DAB1: variants seen among roughly 807,000 people sequenced by gnomAD.
DAB1 encodes disabled homolog 1.
A neutral mutation model predicts 64.6 loss-of-function variants in DAB1; 15 were observed. The ratio of observed to expected loss-of-function variants is 0.23; its 90% confidence interval spans 0.16 to 0.36. The LOEUF is 0.36. DAB1 is among the 10% of genes least tolerant of loss of function. DAB1 has a pLI of 1.00. For missense variants in DAB1, 596 were observed against 706.7 expected (o/e 0.84, Z 1.78); for synonymous variants, 235 against 251.9 (o/e 0.93, Z 0.64).
At chr1:58,016,530 A>G (rs756005164) in intron 5 of DAB1, among the ~76,000 whole-genome samples, 1 of 152,132 alleles carries the variant, frequency 6.6e-6, no homozygotes, top group Non-Finnish European at 1.5e-5. Flanking sequence ...TTGATGTCCC[A>G]CAGGTACTTC....
At chr1:58,029,597 T>G (rs922449943) in intron 5 of DAB1, among the ~76,000 whole-genome samples, 1 of 152,224 alleles carries the variant, frequency 6.6e-6, no homozygotes, top group African/African-American at 2.4e-5. Flanking sequence ...ATTAACCATC[T>G]CTGATAAAAA....
At chr1:58,421,999 A>C (rs1316719313) in intron 3 of DAB1, among the ~76,000 whole-genome samples, 2 of 97,700 alleles carry the variant, frequency 2.0e-5, no homozygotes, top group East Asian at 4.8e-4. Context: ...AGTAGACGTC[A>C]AAAAAAAAAA....
intron 1 of DAB1, among the ~76,000 whole-genome samples, chr1:57,338,624 A>C (rs1462055010): frequency 6.6e-6 from 1 of 152,216 alleles, no homozygotes; most frequent in Non-Finnish European, 1.5e-5. Context: ...TGCAAAACCC[A>C]TATGTAGTAT....
chr1:57,773,268 T>A (rs1342434118), intron 6 of DAB1, among the ~76,000 whole-genome samples: 1 of 152,024 alleles, frequency 6.6e-6, no homozygotes, highest in Non-Finnish European at 1.5e-5. Context: ...TGTATATATA[T>A]ATGTGTTTGA....
At chr1:57,586,521 C>T (rs1234720788) in intron 7 of DAB1, among the ~76,000 whole-genome samples, 2 of 151,250 alleles carry the variant, frequency 1.3e-5, no homozygotes, top group Non-Finnish European at 2.9e-5. Flanking sequence ...ACAACACTCA[C>T]TTCATGGCGA....
intron 3 of DAB1, among the ~76,000 whole-genome samples, chr1:58,396,104 C>G (rs537193866): frequency 6.6e-6 from 1 of 151,132 alleles, no homozygotes; most frequent in African/African-American, 2.4e-5. Context: ...TGAAGTATTA[C>G]CAGGCGAGAA....
chr1:57,774,648 T>C (rs889196603), intron 6 of DAB1, among the ~76,000 whole-genome samples: 5 of 151,878 alleles, frequency 3.3e-5, no homozygotes, highest in Non-Finnish European at 7.4e-5. Flanking sequence ...GTTTCTTTTG[T>C]ATCTATAGCG....
chr1:58,476,128 T>C (rs1323378562), intron 3 of DAB1, among the ~76,000 whole-genome samples: 2 of 152,186 alleles, frequency 1.3e-5, no homozygotes, highest in African/African-American at 4.8e-5. Flanking sequence ...ATGAAGATGG[T>C]ATTAGGAACC....
chr1:57,259,278 G>A (rs1030558323), intron 2 of DAB1, among the ~76,000 whole-genome samples: 39 of 152,260 alleles, frequency 2.6e-4, no homozygotes, highest in African/African-American at 9.1e-4. Context: ...GTCCTCAGAA[G>A]ACTCACAGTT....
intron 6 of DAB1, among the ~76,000 whole-genome samples, chr1:57,664,520 C>G (rs1370560159): frequency 6.6e-6 from 1 of 152,028 alleles, no homozygotes; most frequent in Non-Finnish European, 1.5e-5. Context: ...AACCCAATGC[C>G]ATAAACTTAA....
At chr1:57,879,827 G>C (rs147532929) in intron 1 of DAB1, among the ~76,000 whole-genome samples, 90 of 152,216 alleles carry the variant, frequency 5.9e-4, no homozygotes, top group African/African-American at 2.0e-3. Flanking sequence ...CAAGCCCATT[G>C]CAACTATATA....
chr1:57,518,188 GTCATCA>G (rs146349545), intron 7 of DAB1, among the ~76,000 whole-genome samples: 3 of 151,484 alleles, frequency 2.0e-5, no homozygotes, highest in Non-Finnish European at 4.4e-5. Flanking sequence ...TGTCGTTGTC[GTCATCA>G]TCATCATCAT....
rs185762608 is a variant in DAB1, at chr1:57,788,005, T to C, written n.551+95994A>G. Among the ~76,000 whole-genome samples, 535 of 147,428 alleles carry C rather than the reference T, an allele frequency of 3.6e-3. 2 individuals carry two copies. The highest frequency in any genetic ancestry group is 0.013 in the African/African-American group (507 of 40,524). Reference sequence around the variant, plus strand: ...GATTAAATATTAAAAAAAAAACAAATGAGAATATCAAGTGATGAAGAACAT... The same window carrying C: ...GATTAAATATTAAAAAAAAAACAAACGAGAATATCAAGTGATGAAGAACAT... On this transcript the variant is annotated intron_variant and non_coding_transcript_variant, in intron 6 of 20. Coordinates refer to the DAB1 transcript ENST00000485760.
chr1:58,323,049 T>C (rs1482763937), intron 4 of DAB1, among the ~76,000 whole-genome samples: 4 of 149,540 alleles, frequency 2.7e-5, no homozygotes, highest in Non-Finnish European at 4.4e-5. Context: ...ATGAGAACAC[T>C]TGGGCACAGG....
chr1:58,126,209 C>A (rs1292980717), intron 5 of DAB1, among the ~76,000 whole-genome samples: 2 of 152,296 alleles, frequency 1.3e-5, no homozygotes, highest in Non-Finnish European at 2.9e-5. Flanking sequence ...CTGCTGTACC[C>A]ATTTGCTTAA....
chr1:57,436,395 G>A (rs141129472), intron 7 of DAB1, among the ~76,000 whole-genome samples: 15 of 152,192 alleles, frequency 9.9e-5, no homozygotes, highest in East Asian at 5.8e-4. Context: ...AGAGCTGCGC[G>A]TTTCAATATG....
intron 9 of DAB1, among the ~76,000 whole-genome samples, chr1:57,052,354 A>G (rs1570598305): frequency 6.6e-6 from 1 of 152,266 alleles, no homozygotes; most frequent in East Asian, 1.9e-4. Context: ...TTCTCCCAGG[A>G]TATCTCCTTT....
chr1:57,862,172 G>A (rs1654074388), intron 1 of DAB1, among the ~76,000 whole-genome samples: 1 of 152,110 alleles, frequency 6.6e-6, no homozygotes, highest in South Asian at 2.1e-4. Context: ...CTAAGCACGG[G>A]TCTGGGTAAT....
At chr1:57,921,284 G>A (rs1226135326) in intron 5 of DAB1, among the ~76,000 whole-genome samples, 1 of 152,146 alleles carries the variant, frequency 6.6e-6, no homozygotes, top group African/African-American at 2.4e-5. Flanking sequence ...ACTGTGGCTG[G>A]AAAAATATGG....
Sources: allele counts gnomAD v4.1 joint callset (sites outside exome capture counted in the v4.1 genomes callset), GRCh38; gene constraint gnomAD v4.1.1; transcripts MANE v1.5; gene names NCBI Gene and HGNC (gene_info 2026-07-23, HGNC 2026-07-21).